CPNE4: variants seen among roughly 807,000 people sequenced by gnomAD.
CPNE4 encodes the protein copine-4.
A neutral mutation model predicts 67.9 loss-of-function variants in CPNE4; 25 were observed. The ratio of observed to expected loss-of-function variants is 0.37; its 90% CI spans 0.27 to 0.51. The LOEUF (loss-of-function observed/expected upper bound fraction) is 0.51. Ranked by LOEUF, CPNE4 falls within the 20% of genes least tolerant of loss-of-function variation. The pLI, the probability that CPNE4 is intolerant of heterozygous loss-of-function variation, is 0.93. For missense variants in CPNE4, 464 were observed against 690.8 expected (o/e 0.67, Z 3.68); for synonymous variants, 242 against 244.9 (o/e 0.99, Z 0.11).
chr3:131,697,992 G>T (rs2081194513), intron 4 of CPNE4, among the ~76,000 whole-genome samples: 1 of 152,016 alleles, frequency 6.6e-6, no homozygotes, highest in South Asian at 2.1e-4. Context: ...CAGCACTTTG[G>T]GAGGTGAGGC....
At chr3:131,875,669 CCAGG>C (rs1397233630) in intron 2 of CPNE4, among the ~76,000 whole-genome samples, 10 of 148,146 alleles carry the variant, frequency 6.8e-5, no homozygotes, top group African/African-American at 2.5e-4. Flanking sequence ...CATCACACAC[CCAGG>C]CCTGTCCTGG....
chr3:131,612,673 C>A (rs1390086385), intron 7 of CPNE4, among the ~76,000 whole-genome samples: 1 of 152,196 alleles, frequency 6.6e-6, no homozygotes, highest in Non-Finnish European at 1.5e-5. Flanking sequence ...TATCTTCATC[C>A]ATGCAAGACA....
intron 1 of CPNE4, among the ~76,000 whole-genome samples, chr3:131,917,968 T>C (rs926144035): frequency 1.3e-5 from 2 of 152,188 alleles, no homozygotes; most frequent in Non-Finnish European, 2.9e-5. Flanking sequence ...GCACCAGATG[T>C]AGAATACTCA....
intron 2 of CPNE4, among the ~76,000 whole-genome samples, chr3:131,799,222 T>C (rs1044733376): frequency 1.3e-5 from 2 of 152,122 alleles, no homozygotes; most frequent in Non-Finnish European, 2.9e-5. Flanking sequence ...GCAAGGACAT[T>C]TTCCTGAAGT....
intron 7 of CPNE4, among the ~76,000 whole-genome samples, chr3:131,603,992 C>G (rs1199300286): frequency 6.6e-6 from 1 of 152,028 alleles, no homozygotes; most frequent in African/African-American, 2.4e-5. Flanking sequence ...AAGGATTTAC[C>G]TTTTCTTTAC....
chr3:131,728,148 C>T (rs1035516310), intron 2 of CPNE4, among the ~76,000 whole-genome samples: 3 of 152,264 alleles, frequency 2.0e-5, no homozygotes, highest in East Asian at 1.9e-4. Context: ...TTTTAATTTT[C>T]GTTTTCCTAA....
intron 1 of CPNE4, among the ~76,000 whole-genome samples, chr3:131,923,960 T>G (rs1222138471): frequency 1.3e-5 from 2 of 151,958 alleles, no homozygotes; most frequent in Non-Finnish European, 2.9e-5. Flanking sequence ...CTTCTCTGAA[T>G]CCAAAAGACC....
At chr3:131,804,674 G>A (rs2084247813) in intron 2 of CPNE4, among the ~76,000 whole-genome samples, 1 of 152,182 alleles carries the variant, frequency 6.6e-6, no homozygotes, top group Non-Finnish European at 1.5e-5. Context: ...TCAGCCAATG[G>A]GATGTGGTAG....
intron 2 of CPNE4, among the ~76,000 whole-genome samples, chr3:131,897,529 G>T (rs949057147): frequency 1.3e-5 from 2 of 151,906 alleles, no homozygotes; most frequent in African/African-American, 4.8e-5. Flanking sequence ...GTGTGACCTG[G>T]GGCAAGTTAC....
At chr3:131,931,852 G>A (rs1281498180) in intron 1 of CPNE4, among the ~76,000 whole-genome samples, 1 of 152,050 alleles carries the variant, frequency 6.6e-6, no homozygotes, top group African/African-American at 2.4e-5. Flanking sequence ...TAAAGGTTTG[G>A]GTTAGTGCTA....
intron 2 of CPNE4, among the ~76,000 whole-genome samples, chr3:131,737,035 T>A (rs556590241): frequency 1.3e-5 from 2 of 151,468 alleles, no homozygotes; most frequent in Non-Finnish European, 2.9e-5. Context: ...CTTCTCTTCC[T>A]TTTTCTCCTT....
chr3:131,717,185 A>G (rs2081718540), intron 3 of CPNE4, among the ~76,000 whole-genome samples: 1 of 152,312 alleles, frequency 6.6e-6, no homozygotes, highest in Non-Finnish European at 1.5e-5. Flanking sequence ...CAAAGCTTTT[A>G]GTACAAATGC....
chr3:131,565,087 G>A (rs1936986054), intron 10 of CPNE4, among the ~76,000 whole-genome samples: 1 of 151,942 alleles, frequency 6.6e-6, no homozygotes, highest in South Asian at 2.1e-4. Context: ...TTGAGTCACT[G>A]AACACTTCTT....
intron 2 of CPNE4, among the ~76,000 whole-genome samples, chr3:131,782,575 A>G (rs1265006632): frequency 6.6e-6 from 1 of 152,064 alleles, no homozygotes; most frequent in Admixed American, 6.6e-5. Context: ...GAGGCTCTAC[A>G]TGATTTCTGG....
At chr3:131,980,098 C>G (rs1190477190) in intron 1 of CPNE4, among the ~76,000 whole-genome samples, 1 of 152,124 alleles carries the variant, frequency 6.6e-6, no homozygotes, top group Non-Finnish European at 1.5e-5. Flanking sequence ...TTACATGTTA[C>G]CTGGTCCTTC....
At chr3:131,680,360 G>A (rs12495949) in intron 6 of CPNE4, among the ~76,000 whole-genome samples, 7,208 of 150,650 alleles carry the variant, frequency 0.048, 537 homozygotes, top group East Asian at 0.35. Context: ...TGAAGACTAC[G>A]TACCAAAACC....
intron 1 of CPNE4, among the ~76,000 whole-genome samples, chr3:131,924,537 A>T (rs528948309): frequency 1.3e-5 from 2 of 151,562 alleles, no homozygotes; most frequent in South Asian, 4.2e-4. Context: ...GAGATCTTTT[A>T]AAAAAAATGC....
Position 131,737,115 on chromosome 3 carries a change from C to CTT in CPNE4, c.181-13492_181-13491dup, listed in dbSNP as rs71788145. 3.2e-4 allele frequency among the ~76,000 whole-genome samples: 16 copies of CTT among 49,364 alleles called. 2 individuals carry two copies. The South Asian group carries it at 3.5e-3, about 11-fold the overall frequency. 32.4% of individuals were successfully genotyped at this position (49,364 alleles called of 152,430 possible). On this transcript the variant is annotated intron_variant, in intron 2 of 15. Transcript: ENST00000429747. ...TGCCTCTTTTTATGAAGTATTGTGT[C>CTT]TTTTTTTTTTTTTTTTTTTTTTTTT...
In CPNE4 at chr3:131,708,957, G is replaced by GATATATATATATATATATAT. The variant is rs202119937; in HGVS notation, c.361-8997_361-8978dup. ...AAAAATCAGTGTCTGAGGGCATAAA[G>GATATATATATATATATATAT]ATATATATATATATATATATATATA... On this transcript the variant is annotated intron_variant, in intron 3 of 15. Coordinates refer to ENST00000429747, the MANE Select transcript of CPNE4 (RefSeq NM_130808.3). 5.3e-3 allele frequency among the ~76,000 whole-genome samples: 346 copies of GATATATATATATATATATAT among 65,734 alleles called. 24 individuals carry two copies. The highest frequency in any genetic ancestry group is 7.8e-3 in the East Asian group (7 of 896). The allele number at this position is 65,734 out of a possible 152,430, so 43.1% of individuals were successfully genotyped here.
Sources: gnomAD v4.1 joint callset for allele counts (sites outside exome capture counted in the v4.1 genomes callset) on GRCh38, gnomAD v4.1.1 for gene constraint, MANE v1.5 for transcripts, NCBI Gene and HGNC (gene_info 2026-07-23, HGNC 2026-07-21) for gene names.